UNC5C: variants seen among roughly 807,000 people sequenced by gnomAD.
The protein encoded by UNC5C is unc-5 netrin receptor C, also known as netrin receptor UNC5C.
Under a neutral mutation model 99.8 loss-of-function variants are expected in UNC5C, and 47 were observed. The observed-to-expected ratio is 0.47, with a 90% CI of 0.37 to 0.60. The LOEUF is 0.60. UNC5C is among the 20% of genes least tolerant of loss of function. The probability of loss-of-function intolerance (pLI) is 0.00; values close to 1 mark genes in which losing one functional copy is unlikely to be tolerated. For missense variants in UNC5C, 1,062 were observed against 1,165.9 expected, an observed-to-expected ratio of 0.91 and a Z score of 1.30; for synonymous variants, 487 against 452.2, an observed-to-expected ratio of 1.08 and a Z score of -0.98.
chr4:95,254,145 C>T (rs1436995102), intron 4 of UNC5C, among the ~76,000 whole-genome samples: 1 of 152,096 alleles, frequency 6.6e-6, no homozygotes, highest in East Asian at 1.9e-4. Context: ...CTCATGTCAC[C>T]AGATTATATC....
At chr4:95,272,011 C>T (rs1740683484) in intron 4 of UNC5C, among the ~76,000 whole-genome samples, 1 of 152,162 alleles carries the variant, frequency 6.6e-6, no homozygotes, top group African/African-American at 2.4e-5. Flanking sequence ...CTTTTCAAGA[C>T]TAGCTCCTTC....
At chr4:95,388,057 A>G (rs1427883999) in intron 1 of UNC5C, among the ~76,000 whole-genome samples, 1 of 152,228 alleles carries the variant, frequency 6.6e-6, no homozygotes, top group African/African-American at 2.4e-5. Context: ...TTATGGAAAT[A>G]CTATAAACAT....
chr4:95,533,797 A>G (rs984066417), intron 1 of UNC5C, among the ~76,000 whole-genome samples: 14 of 152,146 alleles, frequency 9.2e-5, no homozygotes, highest in African/African-American at 3.4e-4. Context: ...GCGTGTTTTT[A>G]TTTCAGAAAA....
chr4:95,245,708 T>C (rs533051315), intron 5 of UNC5C, among the ~76,000 whole-genome samples: 10 of 152,352 alleles, frequency 6.6e-5, no homozygotes, highest in Non-Finnish European at 1.5e-4. Flanking sequence ...TTTGAGTTAC[T>C]TGGCGATTAG....
intron 2 of UNC5C, 41 bp downstream of exon 2, chr4:95,335,369 G>T: frequency 6.5e-7 from 1 of 1,541,002 alleles, no homozygotes; most frequent in Non-Finnish European, 8.9e-7. Flanking sequence ...TAGTGAGTAA[G>T]TGAATCTTGA....
intron 1 of UNC5C, among the ~76,000 whole-genome samples, chr4:95,447,657 C>T (rs1013137504): frequency 1.3e-5 from 2 of 152,200 alleles, no homozygotes; most frequent in East Asian, 1.9e-4. Context: ...CCTGTCACCA[C>T]GCCCAGCTAA....
At chr4:95,385,948 A>G (rs1009718941) in intron 1 of UNC5C, among the ~76,000 whole-genome samples, 2 of 152,196 alleles carry the variant, frequency 1.3e-5, no homozygotes, top group African/African-American at 2.4e-5. Flanking sequence ...TTTTATACGA[A>G]GTTAAAACAC....
intron 1 of UNC5C, among the ~76,000 whole-genome samples, chr4:95,448,596 G>C (rs761141685): frequency 6.6e-6 from 1 of 152,152 alleles, no homozygotes; most frequent in Non-Finnish European, 1.5e-5. Flanking sequence ...GTGGAGTTGA[G>C]AGAAAATGGT....
chr4:95,204,018 G>A (rs73839935), intron 11 of UNC5C, among the ~76,000 whole-genome samples: 5,719 of 152,082 alleles, frequency 0.038, 354 homozygotes, highest in African/African-American at 0.13. Flanking sequence ...ATGAGGGCAG[G>A]GTGGGCTGGG....
Position 95,206,633 on chromosome 4 carries a change from A to G in UNC5C, c.1897T>C (p.Trp633Arg). ...TTATCCCGACAGCAGCTCACCTCCC[A>G]CTGTCCCTGTGCTGCCTGGTTCTTG... Reference protein sequence around the residue: ...LLKNQAAQGQWEDVVVVGEEN... With the variant: ...LLKNQAAQGQREDVVVVGEEN... Residue 633 changes from tryptophan (W) to arginine (R), a missense_variant, in exon 11 of 16, where the codon TGG becomes CGG. This residue lies in a region of UNC5C where 810 missense variants were observed against 854.5 expected (regional missense o/e 0.95). Coordinates refer to ENST00000453304, the MANE Select transcript of UNC5C (RefSeq NM_003728.4). 6.2e-7 allele frequency: 1 copy of G among 1,614,082 alleles called. No individual in the cohort carries two copies. The highest frequency in any genetic ancestry group is 8.5e-7 in the Non-Finnish European group (1 of 1,179,992).
At chr4:95,304,481 A>T (rs1295936226) in intron 2 of UNC5C, among the ~76,000 whole-genome samples, 1 of 151,938 alleles carries the variant, frequency 6.6e-6, no homozygotes, top group Non-Finnish European at 1.5e-5. Context: ...TTCTTATCTT[A>T]TTGTATTTTT....
At chr4:95,380,456 T>G (rs1745037266) in intron 1 of UNC5C, among the ~76,000 whole-genome samples, 1 of 151,442 alleles carries the variant, frequency 6.6e-6, no homozygotes, top group African/African-American at 2.4e-5. Flanking sequence ...TTTTTTTTTT[T>G]TTTTTGAGAG....
intron 7 of UNC5C, among the ~76,000 whole-genome samples, chr4:95,222,811 A>AT (rs1738521334): frequency 6.6e-6 from 1 of 151,978 alleles, no homozygotes; most frequent in Non-Finnish European, 1.5e-5. Context: ...TACTTTTTGG[A>AT]TTTTCTGTTG....
chr4:95,284,144 A>G (rs1485787380), intron 3 of UNC5C, among the ~76,000 whole-genome samples: 1 of 152,058 alleles, frequency 6.6e-6, no homozygotes, highest in African/African-American at 2.4e-5. Context: ...TGCACAATAT[A>G]CTGTGGCTAC....
rs908648793 is a variant in UNC5C at position 95,168,049 on chromosome 4, A to C, written c.*1185T>G. 4.6e-5 allele frequency: 7 copies of C among 152,206 alleles called. No homozygotes were observed. The highest frequency in any genetic ancestry group is 1.7e-4 in the African/African-American group (7 of 41,444). The allele number at this position is 152,206 out of a possible 1,614,324, so 9.4% of individuals were successfully genotyped here. A position where few individuals can be genotyped will look rare whatever the true frequency, so the allele number is the denominator to read the frequency against. On this transcript the variant is annotated 3_prime_UTR_variant, in exon 16 of 16. Transcript: ENST00000453304. ...TTTCTTGATCTCCAGTTTAGAGTCC[A>C]TTCCTCCAACCACACTGCCTCTAGA...
At chr4:95,280,236 A>G (rs952960933) in intron 3 of UNC5C, among the ~76,000 whole-genome samples, 1 of 152,156 alleles carries the variant, frequency 6.6e-6, no homozygotes. Flanking sequence ...ATATTGTTGA[A>G]TTTCTCAGCA....
chr4:95,285,261 A>T (rs1261156913), intron 3 of UNC5C, among the ~76,000 whole-genome samples: 3 of 152,190 alleles, frequency 2.0e-5, no homozygotes, highest in African/African-American at 7.2e-5. Flanking sequence ...TGATAGACTG[A>T]TATTATGAAG....
At chr4:95,498,106 A>T (rs1226356626) in intron 1 of UNC5C, among the ~76,000 whole-genome samples, 4 of 152,018 alleles carry the variant, frequency 2.6e-5, no homozygotes, top group Non-Finnish European at 5.9e-5. Context: ...CTTTTCAAGC[A>T]TCAGAGACTA....
intron 3 of UNC5C, among the ~76,000 whole-genome samples, chr4:95,293,095 A>C (rs1221205530): frequency 2.0e-5 from 3 of 152,166 alleles, no homozygotes; most frequent in Non-Finnish European, 4.4e-5. Context: ...TGAATGAAAG[A>C]AGAAAGTAAG....
Sources: allele counts gnomAD v4.1 joint callset (sites outside exome capture counted in the v4.1 genomes callset), GRCh38; gene constraint gnomAD v4.1.1; regional missense constraint gnomAD v4.1.1; transcripts MANE v1.5; gene names NCBI Gene and HGNC (gene_info 2026-07-23, HGNC 2026-07-21).